PCDHGA2: variants seen among roughly 807,000 people sequenced by gnomAD.
The protein encoded by PCDHGA2 is protocadherin gamma-A2.
Under a neutral mutation model 59.2 loss-of-function variants are expected in PCDHGA2, and 40 were observed. That is an observed-to-expected ratio of 0.68 (90% CI 0.52 to 0.88). The LOEUF is 0.88. Ranked by LOEUF, PCDHGA2 falls within the 40% of genes least tolerant of loss-of-function variation. PCDHGA2 has a pLI of 0.00. For missense variants in PCDHGA2, 1,226 were observed against 1,204.0 expected (o/e 1.02, Z -0.27); for synonymous variants, 560 against 526.0 (o/e 1.06, Z -0.89).
At chr5:141,449,920 A>G (rs1287640011) in intron 1 of PCDHGA2, among the ~76,000 whole-genome samples, 1 of 151,842 alleles carries the variant, frequency 6.6e-6, no homozygotes, top group East Asian at 1.9e-4. Context: ...TTTAAATTCT[A>G]CCATACCTTA....
At chr5:141,364,596 G>C (rs1763432941) in intron 1 of PCDHGA2, 1 of 1,614,090 alleles carries the variant, frequency 6.2e-7, no homozygotes, top group Non-Finnish European at 8.5e-7. Context: ...ACCGCGGGCA[G>C]GATAGACCGG....
At chr5:141,417,384 GAAGA>G (rs2096114648) in intron 1 of PCDHGA2, 1 of 154,070 alleles carries the variant, frequency 6.5e-6, no homozygotes, top group African/African-American at 2.4e-5. Context: ...TTTAAATTTT[GAAGA>G]AAAAATATTC....
chr5:141,508,535 C>A (rs1294413041), intron 3 of PCDHGA2, among the ~76,000 whole-genome samples: 1 of 152,172 alleles, frequency 6.6e-6, no homozygotes, highest in Non-Finnish European at 1.5e-5. Context: ...GGGCACCCCC[C>A]ACGAGGTGGG....
chr5:141,383,111 G>A (rs1778825572), intron 1 of PCDHGA2: 3 of 1,614,040 alleles, frequency 1.9e-6, no homozygotes, highest in Non-Finnish European at 2.5e-6. Context: ...TCCAGAGGTA[G>A]GACGCAGCTT....
At chr5:141,438,610 A>G (rs2098013566) in intron 1 of PCDHGA2, among the ~76,000 whole-genome samples, 1 of 30,060 alleles carries the variant, frequency 3.3e-5, no homozygotes, top group African/African-American at 2.4e-4. Flanking sequence ...ATATATATAT[A>G]TATATATATA....
chr5:141,438,631 TATATACACACAC>T (rs1290318462), intron 1 of PCDHGA2, among the ~76,000 whole-genome samples: 214 of 43,192 alleles, frequency 5.0e-3, no homozygotes, highest in Non-Finnish European at 6.1e-3. Flanking sequence ...TATATATATA[TATATACACACAC>T]ACACACACAT....
At chr5:141,464,746 T>G (rs1317670068) in intron 1 of PCDHGA2, among the ~76,000 whole-genome samples, 1 of 152,220 alleles carries the variant, frequency 6.6e-6, no homozygotes, top group Non-Finnish European at 1.5e-5. Context: ...TATATCTTTT[T>G]GTTTTTTTAG....
At chr5:141,510,272 T>TAA (rs546154379) in intron 3 of PCDHGA2, among the ~76,000 whole-genome samples, 3,403 of 130,344 alleles carry the variant, frequency 0.026, 48 homozygotes, top group East Asian at 0.043. Context: ...GACTCCATCT[T>TAA]AAAAAAAAAA....
intron 1 of PCDHGA2, chr5:141,421,581 C>T (rs2096585155): frequency 2.5e-6 from 4 of 1,613,712 alleles, no homozygotes; most frequent in Admixed American, 1.7e-5. Flanking sequence ...TGAAGATTTA[C>T]GGAGTGGAGG....
intron 1 of PCDHGA2, chr5:141,415,520 C>T: frequency 6.2e-7 from 1 of 1,614,190 alleles, no homozygotes; most frequent in Non-Finnish European, 8.5e-7. Flanking sequence ...TATGCGGACA[C>T]GCTCATCAGC....
intron 1 of PCDHGA2, chr5:141,404,311 T>G (rs746092761): frequency 1.9e-6 from 3 of 1,613,924 alleles, no homozygotes. Flanking sequence ...CTGCTTTCTC[T>G]CAAGCCTCCT....
In PCDHGA2 at chr5:141,490,745, C is replaced by T. The variant is rs769031787; in HGVS notation, c.2425-4062C>T. 22 of 1,614,120 alleles carry T rather than the reference C, an allele frequency of 1.4e-5. No individual in the cohort carries two copies. Among genetic ancestry groups the T allele is most frequent in the Non-Finnish European group, 1.9e-5 (22 of 1,180,050 alleles). On this transcript the variant is annotated intron_variant, in intron 1 of 3. Transcript: ENST00000394576. The surrounding 1 kb of genome is among the most constrained non-coding windows in gnomAD (Gnocchi z 5.4). Reference sequence around the variant, plus strand: ...GTAGGAAATCAGGTTCAGGGAGCCCCAGCCTCCTCCTTTGTGTATGTCAAC... The same window carrying T: ...GTAGGAAATCAGGTTCAGGGAGCCCTAGCCTCCTCCTTTGTGTATGTCAAC...
chr5:141,421,592 T>C (rs1590304832), intron 1 of PCDHGA2: 1 of 1,613,272 alleles, frequency 6.2e-7, no homozygotes, highest in Non-Finnish European at 8.5e-7. Context: ...GGAGTGGAGG[T>C]GGAAATAATA....
intron 1 of PCDHGA2, chr5:141,415,153 G>T: frequency 2.5e-6 from 4 of 1,613,780 alleles, no homozygotes; most frequent in Non-Finnish European, 3.4e-6. Context: ...CCCTCTCTCC[G>T]CCACTGTCAC....
At chr5:141,362,105 C>T (rs772642653) in intron 1 of PCDHGA2, 18 of 1,613,930 alleles carry the variant, frequency 1.1e-5, no homozygotes, top group Admixed American at 8.3e-5. Context: ...CTCTCCGCTA[C>T]GGCCACGCTG....
rs773609097 is a variant in PCDHGA2 at position 141,408,614 on chromosome 5, A to C, written c.2424+67219A>C. 2.2e-5 allele frequency: 36 copies of C among 1,614,008 alleles called. No individual in the cohort carries two copies. Among genetic ancestry groups the C allele is most frequent in the Non-Finnish European group, 3.1e-5 (36 of 1,179,890 alleles). On this transcript the variant is annotated intron_variant, in intron 1 of 3. Coordinates refer to ENST00000394576, the MANE Select transcript of PCDHGA2 (RefSeq NM_018915.4). The stretch of plus-strand genomic sequence containing the variant: ...CGCCCCTCAATTTGATAAAAAGGAA[A>C]TACATTTAGAAATTTTCGAATCTGC...
chr5:141,432,945 G>A lies in PCDHGA2; in HGVS notation c.2425-61862G>A, dbSNP rs761055026. On this transcript the variant is annotated intron_variant, in intron 1 of 3. Transcript: ENST00000394576. This position sits in a 1 kb window ranked among gnomAD's most constrained non-coding sequence, Gnocchi z 6.0. ...AAGTCACGCCTGCTGCAGGCTTCAGGAGGCGGCTTGACAGGAGCGCCGGCG... is the reference window on the plus strand; with the variant it reads ...AAGTCACGCCTGCTGCAGGCTTCAGAAGGCGGCTTGACAGGAGCGCCGGCG... 3 of 1,614,218 alleles carry A rather than the reference G, an allele frequency of 1.9e-6. No individual in the cohort carries two copies. The highest frequency in any genetic ancestry group is 2.5e-6 in the Non-Finnish European group (3 of 1,180,058).
chr5:141,450,829 A>ATTT (rs373424450), intron 1 of PCDHGA2, among the ~76,000 whole-genome samples: 12,063 of 134,876 alleles, frequency 0.089, 619 homozygotes, highest in African/African-American at 0.14. Flanking sequence ...TATTATTATT[A>ATTT]TTTTTTTTTT....
rs746949700 is a variant in PCDHGA2, at chr5:141,361,054, T to G, written c.2424+19659T>G. On this transcript the variant is annotated intron_variant, in intron 1 of 3. Transcript: ENST00000394576. Reference sequence around the variant, plus strand: ...AGGAGAAATCACGACAAAGGATGATTTGGATTTTGAGATTGCAAGTAGTTA... The same window carrying G: ...AGGAGAAATCACGACAAAGGATGATGTGGATTTTGAGATTGCAAGTAGTTA... The G allele has an allele frequency of 3.7e-6, 6 of 1,613,700 alleles. No individual in the cohort carries two copies. In the African/African-American group the frequency reaches 6.7e-5, roughly 18 times the overall value.
Sources: gnomAD v4.1 joint callset for allele counts (sites outside exome capture counted in the v4.1 genomes callset) on GRCh38, gnomAD v4.1.1 for gene constraint, Gnocchi (gnomAD v3.1) non-coding constraint, MANE v1.5 for transcripts, NCBI Gene and HGNC (gene_info 2026-07-23, HGNC 2026-07-21) for gene names.